ADGRG1: variants seen among roughly 807,000 people sequenced by gnomAD.
ADGRG1 encodes the protein adhesion G protein-coupled receptor G1.
In ADGRG1, 53 loss-of-function variants were observed where a neutral mutation model predicts 73.5. The ratio of observed to expected loss-of-function variants is 0.72; its 90% confidence interval spans 0.58 to 0.91. The LOEUF (loss-of-function observed/expected upper bound fraction) is 0.91, where lower values mean the gene tolerates loss of function less well. ADGRG1 is among the 40% of genes least tolerant of loss of function. ADGRG1 has a pLI of 0.00. For missense variants in ADGRG1, 795 were observed against 871.8 expected (o/e 0.91, Z 1.11); for synonymous variants, 394 against 374.4 (o/e 1.05, Z -0.60).
At chr16:57,652,815 G>A (rs779461915) in intron 3 of ADGRG1, 31 of 1,096,662 alleles carry the variant, frequency 2.8e-5, no homozygotes, top group East Asian at 7.8e-5. Context: ...AGAGGGGCCC[G>A]AGCCTGGAGT....
intron 3 of ADGRG1, chr16:57,652,258 T>C (rs2044287480): frequency 2.1e-6 from 1 of 482,006 alleles, no homozygotes; most frequent in African/African-American, 2.1e-5. Context: ...TTCAGCACCA[T>C]TAAATGCTGA....
intron 13 of ADGRG1, 136 bp from the exon 14 acceptor site, chr16:57,663,316 T>C: frequency 6.5e-7 from 1 of 1,529,916 alleles, no homozygotes; most frequent in South Asian, 1.2e-5. Flanking sequence ...CTGGGTCTCA[T>C]GGGTGCCCGA....
chr16:57,653,749 T>G (rs1219629143), intron 4 of ADGRG1: 12 of 934,012 alleles, frequency 1.3e-5, no homozygotes, highest in Non-Finnish European at 1.5e-5. Flanking sequence ...TCCCAGGTCC[T>G]GGCCTCCTCT....
chr16:57,648,414 C>T, intron 1 of ADGRG1: 2 of 974,484 alleles, frequency 2.1e-6, no homozygotes, highest in Non-Finnish European at 2.4e-6. Flanking sequence ...TCTGTGATGC[C>T]ACCAGGGCAA....
At position 57,651,696 on chromosome 16, in the gene ADGRG1, C is replaced by T. The variant is rs1391895898; in HGVS notation, c.487+74C>T. The T allele has an allele frequency of 8.5e-6, 13 of 1,531,208 alleles. No individual in the cohort carries two copies. The East Asian group carries it at 2.7e-4, about 31-fold the overall frequency. 94.9% of individuals were successfully genotyped at this position (1,531,208 alleles called of 1,614,324 possible). A position where few individuals can be genotyped will look rare whatever the true frequency, so the allele number is the denominator to read the frequency against. Reference sequence around the variant, plus strand: ...CAGGGAAGGCAAAATGCAAAGTGGACTGGGCTCACAATATCAGATCATGAA... The same window carrying T: ...CAGGGAAGGCAAAATGCAAAGTGGATTGGGCTCACAATATCAGATCATGAA... On this transcript the variant is annotated intron_variant, in intron 3 of 13. Transcript: ENST00000562631.
chr16:57,638,905 A>G (rs2040032714), intron 1 of ADGRG1, among the ~76,000 whole-genome samples: 1 of 152,086 alleles, frequency 6.6e-6, no homozygotes, highest in Non-Finnish European at 1.5e-5. Flanking sequence ...CCCCGTCTCT[A>G]CTAAAAATAC....
At position 57,663,364 on chromosome 16, in the gene ADGRG1, A is replaced by T. The variant is rs542371093; in HGVS notation, c.1934-88A>T. On this transcript the variant is annotated intron_variant, in intron 13 of 13. Coordinates refer to ENST00000562631, the MANE Select transcript of ADGRG1 (RefSeq NM_201525.4). Reference sequence around the variant, plus strand: ...GGCAAACACTATGGAGAGGTGGGGCAGACCCGAGTCACAATGGCTGGGGAG... The same window carrying T: ...GGCAAACACTATGGAGAGGTGGGGCTGACCCGAGTCACAATGGCTGGGGAG... The T allele has an allele frequency of 7.0e-6, 11 of 1,577,858 alleles. No individual in the cohort carries two copies. In the East Asian group the frequency reaches 2.5e-4, roughly 37 times the overall value.
chr16:57,659,731 C>G (rs2046619912), intron 11 of ADGRG1, 50 bp downstream of exon 11: 2 of 1,604,586 alleles, frequency 1.2e-6, no homozygotes, highest in Non-Finnish European at 8.5e-7. Context: ...CCACTTGGCT[C>G]TGGCAAAACC....
rs181908130 is a variant in ADGRG1 at position 57,638,963 on chromosome 16, G to A, written c.-36+10161G>A. On this transcript the variant is annotated intron_variant, in intron 1 of 13. Transcript: ENST00000562631. ...TGGGCACCTGTAGTCCCAGCTACTCGGGAGGCTGAGGCAGGAGAATCGCTT... is the reference window on the plus strand; with the variant it reads ...TGGGCACCTGTAGTCCCAGCTACTCAGGAGGCTGAGGCAGGAGAATCGCTT... Among the ~76,000 whole-genome samples the A allele has an allele frequency of 4.3e-4, 66 of 152,138 alleles. 1 individual carries two copies. Among genetic ancestry groups the A allele is most frequent in the Non-Finnish European group, 4.4e-5 (3 of 67,996 alleles).
rs143852876 is a variant in ADGRG1 at position 57,644,190 on chromosome 16, C to T, written c.-35-6063C>T. ...CTTCTCTTGCTTTCTCCTCCTGGCC[C>T]CATGCATCCCTGTGTATGCACGGGC... On this transcript the variant is annotated intron_variant, in intron 1 of 13. Transcript: ENST00000562631. 5,211 of 985,288 alleles carry T rather than the reference C, an allele frequency of 5.3e-3. 47 individuals are homozygous for T. The highest frequency in any genetic ancestry group is 0.036 in the African/African-American group (2,036 of 57,296). The allele number at this position is 985,288 out of a possible 1,614,324, so 61.0% of individuals were successfully genotyped here.
At chr16:57,645,192 G>A in intron 1 of ADGRG1, 1 of 985,478 alleles carries the variant, frequency 1.0e-6, no homozygotes, top group Non-Finnish European at 1.2e-6. Flanking sequence ...CCACAGGAGA[G>A]CAGCTGCGGA....
chr16:57,645,429 C>T, intron 1 of ADGRG1: 1 of 650,014 alleles, frequency 1.5e-6, no homozygotes. Flanking sequence ...GAAGCCCCTT[C>T]CAGGGCCCCG....
At chr16:57,639,060 ACT>A (rs1405038058) in intron 1 of ADGRG1, among the ~76,000 whole-genome samples, 9 of 151,450 alleles carry the variant, frequency 5.9e-5, no homozygotes, top group Admixed American at 6.6e-5. Flanking sequence ...AAAGAGCGAA[ACT>A]CTGTTTGAGA....
At chr16:57,622,643 G>A (rs907184577) in intron 2 of ADGRG1, 1 of 357,304 alleles carries the variant, frequency 2.8e-6, no homozygotes, top group East Asian at 1.6e-4. Flanking sequence ...TCTGGGCTCA[G>A]GGGCTTCTGA....
At chr16:57,634,453 C>A (rs1204924041) in intron 1 of ADGRG1, 1 of 985,332 alleles carries the variant, frequency 1.0e-6, no homozygotes, top group African/African-American at 1.7e-5. Flanking sequence ...AACTTCCGCC[C>A]CTGGGGCATA....
chr16:57,653,379 C>T (rs751975896), intron 4 of ADGRG1, 44 bp downstream of exon 4: 2 of 1,600,940 alleles, frequency 1.2e-6, no homozygotes, highest in African/African-American at 1.3e-5. Flanking sequence ...AGGAAGGCAT[C>T]AGAGATCTGG....
intron 1 of ADGRG1, chr16:57,648,416 C>T: frequency 1.0e-6 from 1 of 975,424 alleles, no homozygotes; most frequent in Non-Finnish European, 1.2e-6. Context: ...TGTGATGCCA[C>T]CAGGGCAAGA....
At chr16:57,625,313 G>A (rs2035622516), upstream of ADGRG1, among the ~76,000 whole-genome samples, 1 of 152,118 alleles carries the variant, frequency 6.6e-6, no homozygotes, top group African/African-American at 2.4e-5. Flanking sequence ...CCATTCCATT[G>A]CACACAGGGC....
At chr16:57,632,751 G>T in intron 1 of ADGRG1, 2 of 983,402 alleles carry the variant, frequency 2.0e-6, no homozygotes, top group Non-Finnish European at 2.4e-6. Flanking sequence ...TCCAGGCAGA[G>T]ATAAAAGCTC....
Sources: gnomAD v4.1 joint callset for allele counts (sites outside exome capture counted in the v4.1 genomes callset) on GRCh38, gnomAD v4.1.1 for gene constraint, MANE v1.5 for transcripts, NCBI Gene and HGNC (gene_info 2026-07-23, HGNC 2026-07-21) for gene names.